Variants in PDE4B observed in about 807,000 individuals in gnomAD.
PDE4B encodes the protein phosphodiesterase 4B.
PDE4B carries 20 observed loss-of-function variants against 82.2 expected under a neutral mutation model. The ratio of observed to expected loss-of-function variants is 0.24; its 90% CI spans 0.17 to 0.35. The LOEUF (loss-of-function observed/expected upper bound fraction) is 0.35, where lower values mean the gene tolerates loss of function less well. PDE4B is among the 10% of genes least tolerant of loss of function. The pLI, the probability that PDE4B is intolerant of heterozygous loss-of-function variation, is 1.00. For missense variants in PDE4B, 655 were observed against 907.2 expected, an observed-to-expected ratio of 0.72 and a Z score of 3.57; for synonymous variants, 320 against 318.9, an observed-to-expected ratio of 1.00 and a Z score of -0.04.
intron 3 of PDE4B, among the ~76,000 whole-genome samples, chr1:66,204,647 C>T (rs183939291): frequency 2.7e-4 from 41 of 152,362 alleles, no homozygotes; most frequent in African/African-American, 9.4e-4. Flanking sequence ...TCCTCTGAGC[C>T]ATGTGCAGGA....
At chr1:66,079,166 T>TTCTC (rs148765561) in intron 3 of PDE4B, among the ~76,000 whole-genome samples, 15,243 of 142,038 alleles carry the variant, frequency 0.11, 1,264 homozygotes, top group East Asian at 0.51. Context: ...CCTGCTTCTT[T>TTCTC]TCTCTCTCTC....
chr1:65,941,495 C>A (rs1413942400), intron 3 of PDE4B, among the ~76,000 whole-genome samples: 5 of 151,858 alleles, frequency 3.3e-5, no homozygotes, highest in Non-Finnish European at 1.5e-5. Flanking sequence ...TGACGTGGCA[C>A]CAGCAAGGTG....
chr1:66,311,082 T>A (rs1465957112), intron 7 of PDE4B, among the ~76,000 whole-genome samples: 2 of 152,122 alleles, frequency 1.3e-5, no homozygotes, highest in Non-Finnish European at 2.9e-5. Flanking sequence ...TGGTGCAGAA[T>A]AAATAGTCAA....
intron 3 of PDE4B, among the ~76,000 whole-genome samples, chr1:66,070,265 A>G (rs922261304): frequency 5.3e-5 from 8 of 151,990 alleles, no homozygotes; most frequent in African/African-American, 1.7e-4. Context: ...CTCAGGAGAA[A>G]AAGGTCTGTT....
chr1:65,882,665 A>G (rs1018379261), intron 1 of PDE4B, among the ~76,000 whole-genome samples: 1 of 114,758 alleles, frequency 8.7e-6, no homozygotes, highest in Non-Finnish European at 1.8e-5. Context: ...TGTTTATGGC[A>G]ACTATTTGAA....
intron 6 of PDE4B, among the ~76,000 whole-genome samples, chr1:66,265,780 C>T (rs1183472258): frequency 2.0e-5 from 3 of 152,130 alleles, no homozygotes; most frequent in Non-Finnish European, 4.4e-5. Flanking sequence ...GGTTTGGGAC[C>T]TGGAGTAAAC....
chr1:65,974,229 C>T (rs1329026516), intron 3 of PDE4B, among the ~76,000 whole-genome samples: 1 of 152,204 alleles, frequency 6.6e-6, no homozygotes, highest in African/African-American at 2.4e-5. Context: ...TTTTAATAAA[C>T]TAAAAAATGT....
chr1:65,969,700 A>G (rs972969186), intron 3 of PDE4B, among the ~76,000 whole-genome samples: 5 of 152,128 alleles, frequency 3.3e-5, no homozygotes, highest in Non-Finnish European at 7.4e-5. Context: ...ACTTTTGCCC[A>G]TGGATATTAA....
intron 3 of PDE4B, among the ~76,000 whole-genome samples, chr1:66,116,787 GCT>G (rs1465418590): frequency 6.6e-6 from 1 of 152,070 alleles, no homozygotes; most frequent in African/African-American, 2.4e-5. Context: ...CTGGTCTCCA[GCT>G]CCTGGGCTCA....
intron 3 of PDE4B, among the ~76,000 whole-genome samples, chr1:66,240,068 TG>T (rs1418034827): frequency 2.0e-5 from 3 of 152,218 alleles, no homozygotes; most frequent in Non-Finnish European, 1.5e-5. Flanking sequence ...AGCCCCTCCC[TG>T]CAGGTGGTAT....
At position 66,125,881 on chromosome 1, in the gene PDE4B, A is replaced by C. The variant is rs1162349587; in HGVS notation, c.282-121579A>C. On this transcript the variant is annotated intron_variant, in intron 3 of 16. Transcript: ENST00000341517. Reference sequence around the variant, plus strand: ...GAGTGCAATGGCGTGTTCTCGACTCACTGCAACTTCTGCTTCCCAGGTTCA... The same window carrying C: ...GAGTGCAATGGCGTGTTCTCGACTCCCTGCAACTTCTGCTTCCCAGGTTCA... Among the ~76,000 whole-genome samples the C allele has an allele frequency of 2.0e-5, 3 of 152,134 alleles. No individual in the cohort carries two copies. The East Asian group carries it at 5.8e-4, about 29-fold the overall frequency.
intron 3 of PDE4B, among the ~76,000 whole-genome samples, chr1:66,182,707 T>C (rs375384179): frequency 4.6e-5 from 7 of 152,308 alleles, no homozygotes; most frequent in East Asian, 3.9e-4. Flanking sequence ...TTCTGCCCCA[T>C]TGACGTCATT....
chr1:66,241,492 C>T (rs1480031656), intron 3 of PDE4B, among the ~76,000 whole-genome samples: 2 of 151,996 alleles, frequency 1.3e-5, no homozygotes, highest in African/African-American at 4.8e-5. Context: ...CATTTGAAGA[C>T]ATTCATTTCT....
intron 3 of PDE4B, among the ~76,000 whole-genome samples, chr1:66,137,622 G>T (rs895853196): frequency 6.6e-6 from 1 of 152,170 alleles, no homozygotes; most frequent in Non-Finnish European, 1.5e-5. Context: ...TACCCTAGTG[G>T]CTAATGTTAG....
intron 6 of PDE4B, among the ~76,000 whole-genome samples, chr1:66,258,499 C>T (rs1030950678): frequency 6.6e-6 from 1 of 152,162 alleles, no homozygotes; most frequent in African/African-American, 2.4e-5. Context: ...AAGTTCTATT[C>T]GGTTCACTCT....
At chr1:66,084,949 G>A (rs545643985) in intron 3 of PDE4B, among the ~76,000 whole-genome samples, 43 of 152,268 alleles carry the variant, frequency 2.8e-4, no homozygotes, top group African/African-American at 9.9e-4. Flanking sequence ...TAGAGTTAGG[G>A]CAGGGATGGT....
chr1:66,207,820 T>C (rs555671269), intron 3 of PDE4B, among the ~76,000 whole-genome samples: 1 of 152,320 alleles, frequency 6.6e-6, no homozygotes, highest in African/African-American at 2.4e-5. Flanking sequence ...TTCTCATTCG[T>C]TTGTAATTAC....
intron 3 of PDE4B, among the ~76,000 whole-genome samples, chr1:66,030,137 A>G (rs1653689780): frequency 6.9e-6 from 1 of 145,508 alleles, no homozygotes; most frequent in Admixed American, 7.0e-5. Context: ...GATTCTGTTT[A>G]TGGGGTGAAT....
intron 1 of PDE4B, among the ~76,000 whole-genome samples, chr1:65,875,887 T>C (rs560839736): frequency 4.1e-4 from 62 of 151,654 alleles, no homozygotes; most frequent in Admixed American, 1.3e-3. Flanking sequence ...ACCAGCATGG[T>C]ACATGTATAC....
Sources: gnomAD v4.1 joint callset for allele counts (sites outside exome capture counted in the v4.1 genomes callset) on GRCh38, gnomAD v4.1.1 for gene constraint, MANE v1.5 for transcripts, NCBI Gene and HGNC (gene_info 2026-07-23, HGNC 2026-07-21) for gene names.